CTNND2: variants seen among roughly 807,000 people sequenced by gnomAD.
CTNND2 encodes catenin delta 2, also known as catenin delta-2.
A neutral mutation model predicts 144.4 loss-of-function variants in CTNND2; 22 were observed. The ratio of observed to expected loss-of-function variants is 0.15; its 90% confidence interval spans 0.11 to 0.22. The LOEUF (loss-of-function observed/expected upper bound fraction) is 0.22. Among genes scored for constraint, CTNND2 ranks in the 10% least tolerant of loss-of-function variants. The pLI is 1.00. For synonymous variants in CTNND2, 751 were observed against 695.6 expected, an observed-to-expected ratio of 1.08 and a Z score of -1.25; for missense variants, 1,353 against 1,618.8, an observed-to-expected ratio of 0.84 and a Z score of 2.82.
At chr5:11,821,438 G>A (rs927740788) in intron 1 of CTNND2, among the ~76,000 whole-genome samples, 4 of 152,180 alleles carry the variant, frequency 2.6e-5, no homozygotes, top group East Asian at 1.9e-4. Flanking sequence ...ATCTAGGTGG[G>A]AGAATTCTTT....
chr5:11,834,829 T>A (rs921986344), intron 1 of CTNND2, among the ~76,000 whole-genome samples: 1 of 152,116 alleles, frequency 6.6e-6, no homozygotes, highest in Non-Finnish European at 1.5e-5. Flanking sequence ...ATAGAAAACA[T>A]AGGACTAAAG....
rs191199406 is a variant in CTNND2 at position 11,714,677 on chromosome 5, C to T, written c.174+17459G>A. On this transcript the variant is annotated intron_variant, in intron 2 of 21. Coordinates refer to ENST00000304623, the MANE Select transcript of CTNND2 (RefSeq NM_001332.4). The stretch of plus-strand genomic sequence containing the variant: ...ATCCCAGCACTTTGGGAGGCCGAGG[C>T]GGGCGGATCAAGAGGTCAGGAGATC... Among the ~76,000 whole-genome samples the T allele has an allele frequency of 4.6e-4, 70 of 151,930 alleles. No homozygotes were observed. The East Asian group carries it at 6.4e-3, about 14-fold the overall frequency.
At chr5:11,294,761 G>A (rs935156615) in intron 9 of CTNND2, among the ~76,000 whole-genome samples, 1 of 152,090 alleles carries the variant, frequency 6.6e-6, no homozygotes, top group African/African-American at 2.4e-5. Context: ...ATGCAGAAAA[G>A]GCCTTTGACA....
In CTNND2 at chr5:11,623,621, T is replaced by G. The variant is rs148181742; in HGVS notation, c.175-58565A>C. 9.2e-4 allele frequency among the ~76,000 whole-genome samples: 139 copies of G among 151,048 alleles called. 3 individuals are homozygous for G. In the East Asian group the frequency reaches 0.022, roughly 24 times the overall value. ...TGCAACGACACCCATAGGCTAAAAG[T>G]AAAAGGATGCAGAAAAATCTTCAAA... On this transcript the variant is annotated intron_variant, in intron 2 of 21. Coordinates refer to ENST00000304623, the MANE Select transcript of CTNND2 (RefSeq NM_001332.4).
At chr5:11,683,304 G>A (rs12332304) in intron 2 of CTNND2, among the ~76,000 whole-genome samples, 28,987 of 152,106 alleles carry the variant, frequency 0.19, 5,001 homozygotes, top group African/African-American at 0.46. Context: ...TTCACTGAAA[G>A]AATTTTAAGT....
chr5:11,387,712 T>A (rs1004063396), intron 6 of CTNND2, among the ~76,000 whole-genome samples: 3 of 152,174 alleles, frequency 2.0e-5, no homozygotes, highest in African/African-American at 7.2e-5. Flanking sequence ...AAACAAAAAC[T>A]TTTTGTTATG....
intron 9 of CTNND2, among the ~76,000 whole-genome samples, chr5:11,281,390 G>A (rs1443913619): frequency 6.6e-6 from 1 of 152,200 alleles, no homozygotes; most frequent in Non-Finnish European, 1.5e-5. Flanking sequence ...TAGTGCTACT[G>A]AAAGCAAACA....
chr5:10,989,078 A>G (rs986872439), intron 19 of CTNND2, among the ~76,000 whole-genome samples: 3 of 152,190 alleles, frequency 2.0e-5, no homozygotes, highest in Non-Finnish European at 2.9e-5. Flanking sequence ...AAGAGAGGAA[A>G]AGCTGAACTC....
intron 20 of CTNND2, among the ~76,000 whole-genome samples, chr5:10,985,261 T>C (rs1489893145): frequency 6.6e-6 from 1 of 152,198 alleles, no homozygotes; most frequent in African/African-American, 2.4e-5. Context: ...CAGCCCTTTC[T>C]TGAGGTGAAC....
chr5:11,057,075 A>G (rs1297694126), intron 16 of CTNND2, among the ~76,000 whole-genome samples: 1 of 152,190 alleles, frequency 6.6e-6, no homozygotes, highest in East Asian at 1.9e-4. Flanking sequence ...ACTATAGAAA[A>G]TCACATGCTT....
intron 12 of CTNND2, among the ~76,000 whole-genome samples, chr5:11,152,901 G>T (rs1757871404): frequency 6.6e-6 from 1 of 152,168 alleles, no homozygotes; most frequent in African/African-American, 2.4e-5. Context: ...GGAGTGGGGT[G>T]AGTGGTGTGT....
At chr5:11,876,629 G>C (rs1471049898) in intron 1 of CTNND2, among the ~76,000 whole-genome samples, 2 of 152,152 alleles carry the variant, frequency 1.3e-5, no homozygotes, top group Non-Finnish European at 2.9e-5. Flanking sequence ...CCAGTAGCCT[G>C]ATCTGGGTAA....
chr5:11,545,330 T>C (rs140528915), intron 3 of CTNND2, among the ~76,000 whole-genome samples: 2 of 148,428 alleles, frequency 1.3e-5, no homozygotes, highest in African/African-American at 5.0e-5. Flanking sequence ...AATCAATCAA[T>C]AAATCAATCA....
intron 3 of CTNND2, among the ~76,000 whole-genome samples, chr5:11,554,627 A>T (rs994465008): frequency 1.3e-5 from 2 of 152,154 alleles, no homozygotes; most frequent in African/African-American, 4.8e-5. Context: ...GCCTAGGGAA[A>T]CTGCTCAATA....
At chr5:11,507,234 G>A (rs865787271) in intron 3 of CTNND2, among the ~76,000 whole-genome samples, 1 of 152,150 alleles carries the variant, frequency 6.6e-6, no homozygotes. Flanking sequence ...AAATGACTGA[G>A]AAACATTCAA....
intron 10 of CTNND2, among the ~76,000 whole-genome samples, chr5:11,211,467 A>C (rs1738629841): frequency 6.6e-6 from 1 of 152,274 alleles, no homozygotes; most frequent in Non-Finnish European, 1.5e-5. Flanking sequence ...GAGTACAAGC[A>C]CTAAAAAATG....
At chr5:11,250,489 C>CTA (rs1161027337) in intron 9 of CTNND2, among the ~76,000 whole-genome samples, 2,762 of 67,662 alleles carry the variant, frequency 0.041, 19 homozygotes, top group Non-Finnish European at 0.049. Context: ...CTCTCTCTCT[C>CTA]TCTATATATA....
At chr5:11,626,657 A>G (rs545972543) in intron 2 of CTNND2, among the ~76,000 whole-genome samples, 5 of 152,292 alleles carry the variant, frequency 3.3e-5, no homozygotes, top group East Asian at 1.9e-4. Context: ...TTAGAGAAGC[A>G]AAGACAGCAA....
chr5:11,613,366 A>T (rs1780425796), intron 2 of CTNND2, among the ~76,000 whole-genome samples: 1 of 152,218 alleles, frequency 6.6e-6, no homozygotes, highest in Non-Finnish European at 1.5e-5. Context: ...CTTCTTATTA[A>T]AACCACTGAT....
Sources: gnomAD v4.1 joint callset for allele counts (sites outside exome capture counted in the v4.1 genomes callset) on GRCh38, gnomAD v4.1.1 for gene constraint, MANE v1.5 for transcripts, NCBI Gene and HGNC (gene_info 2026-07-23, HGNC 2026-07-21) for gene names.